DISP1: variants seen among roughly 807,000 people sequenced by gnomAD.
The protein encoded by DISP1 is dispatched RND transporter family member 1, also known as protein dispatched homolog 1.
In DISP1, 30 loss-of-function variants were observed where a neutral mutation model predicts 37.3. The observed-to-expected ratio is 0.80, with a 90% CI of 0.60 to 1.09. The LOEUF is 1.09. DISP1 is among the 50% of genes least tolerant of loss of function. The probability of loss-of-function intolerance (pLI) is 0.00; values close to 1 mark genes in which losing one functional copy is unlikely to be tolerated. For missense variants in DISP1, 1,598 were observed against 1,879.5 expected, an observed-to-expected ratio of 0.85 and a Z score of 2.77; for synonymous variants, 634 against 690.2, an observed-to-expected ratio of 0.92 and a Z score of 1.28.
At chr1:222,832,423 T>A (rs1254759482) in intron 1 of DISP1, among the ~76,000 whole-genome samples, 2 of 152,230 alleles carry the variant, frequency 1.3e-5, no homozygotes, top group Non-Finnish European at 2.9e-5. Context: ...AAGAAATTTT[T>A]ATAAGAACTT....
intron 3 of DISP1, among the ~76,000 whole-genome samples, chr1:222,967,729 G>A (rs1441750190): frequency 6.6e-6 from 1 of 152,178 alleles, no homozygotes; most frequent in Non-Finnish European, 1.5e-5. Context: ...TTGAATGTGA[G>A]TTTGCTTTGT....
At chr1:222,980,982 G>A (rs140314832) in intron 3 of DISP1, among the ~76,000 whole-genome samples, 1,691 of 152,328 alleles carry the variant, frequency 0.011, 35 homozygotes, top group African/African-American at 0.039. Flanking sequence ...GGTGGCTGAG[G>A]CAGGAGGATC....
At chr1:222,986,348 G>A (rs192031501) in intron 4 of DISP1, among the ~76,000 whole-genome samples, 119 of 152,224 alleles carry the variant, frequency 7.8e-4, no homozygotes, top group African/African-American at 2.8e-3. Context: ...TTATTATGGG[G>A]GAATGTTATT....
chr1:222,948,719 T>G (rs2125508702), intron 3 of DISP1, among the ~76,000 whole-genome samples: 1 of 152,356 alleles, frequency 6.6e-6, no homozygotes, highest in South Asian at 2.1e-4. Context: ...ATTTATGACT[T>G]CACATTACTT....
At chr1:222,917,035 G>A (rs1672531626) in intron 1 of DISP1, among the ~76,000 whole-genome samples, 1 of 152,158 alleles carries the variant, frequency 6.6e-6, no homozygotes, top group Non-Finnish European at 1.5e-5. Context: ...TTTGAAGCCT[G>A]TTAGCAATAA....
intron 1 of DISP1, among the ~76,000 whole-genome samples, chr1:222,898,116 A>G (rs923634023): frequency 6.6e-6 from 1 of 152,126 alleles, no homozygotes; most frequent in Non-Finnish European, 1.5e-5. Context: ...AGTTTTGGTC[A>G]GGGATTTTAG....
chr1:222,942,689 C>G, intron 2 of DISP1, 118 bp from the exon 3 acceptor site: 2 of 1,181,872 alleles, frequency 1.7e-6, no homozygotes, highest in East Asian at 2.5e-5. Flanking sequence ...CTACCACTGT[C>G]TCACAACTCT....
chr1:222,935,088 T>A (rs901589254), intron 2 of DISP1, among the ~76,000 whole-genome samples: 6 of 152,308 alleles, frequency 3.9e-5, no homozygotes, highest in South Asian at 4.1e-4. Context: ...ACGCAAAATG[T>A]GTTCTAGGTA....
chr1:222,883,658 A>G (rs1670407193), intron 1 of DISP1, among the ~76,000 whole-genome samples: 1 of 152,210 alleles, frequency 6.6e-6, no homozygotes, highest in South Asian at 2.1e-4. Flanking sequence ...TTTAGAGACA[A>G]GCTGTTCAAG....
chr1:222,979,045 C>G (rs1320541951), intron 3 of DISP1, among the ~76,000 whole-genome samples: 6 of 151,922 alleles, frequency 3.9e-5, no homozygotes, highest in Non-Finnish European at 8.8e-5. Flanking sequence ...TAGTTTTTTC[C>G]AATTCTGTGA....
At chr1:222,915,088 A>C (rs1572499488) in intron 1 of DISP1, among the ~76,000 whole-genome samples, 1 of 152,224 alleles carries the variant, frequency 6.6e-6, no homozygotes, top group Non-Finnish European at 1.5e-5. Flanking sequence ...TGTCCTGGAC[A>C]CTGTCTGAGT....
At chr1:222,833,138 T>C (rs1394496697) in intron 1 of DISP1, among the ~76,000 whole-genome samples, 4 of 152,056 alleles carry the variant, frequency 2.6e-5, no homozygotes, top group African/African-American at 9.7e-5. Context: ...CAGAAAAGGT[T>C]AGAAACGCAT....
intron 1 of DISP1, among the ~76,000 whole-genome samples, chr1:222,923,160 A>G (rs1672900262): frequency 2.0e-5 from 3 of 152,188 alleles, no homozygotes; most frequent in Non-Finnish European, 2.9e-5. Flanking sequence ...TTTGTAAGTA[A>G]TAATTTGACA....
chr1:222,951,857 A>G (rs989791892), intron 3 of DISP1, among the ~76,000 whole-genome samples: 6 of 152,228 alleles, frequency 3.9e-5, no homozygotes, highest in Non-Finnish European at 8.8e-5. Context: ...TTGATCGGTA[A>G]GTATTTACAG....
chr1:223,000,448 T>C (rs1172870574), intron 8 of DISP1, among the ~76,000 whole-genome samples: 1 of 152,240 alleles, frequency 6.6e-6, no homozygotes, highest in East Asian at 1.9e-4. Flanking sequence ...ATGTTTACGA[T>C]TGCTCCTCAA....
At chr1:222,834,855 A>T (rs1666648656) in intron 1 of DISP1, among the ~76,000 whole-genome samples, 1 of 152,210 alleles carries the variant, frequency 6.6e-6, no homozygotes, top group Non-Finnish European at 1.5e-5. Context: ...CCATGCTTAA[A>T]GTAGAATAAT....
intron 1 of DISP1, among the ~76,000 whole-genome samples, chr1:222,913,973 C>T (rs755042054): frequency 2.4e-4 from 36 of 148,448 alleles, no homozygotes; most frequent in Non-Finnish European, 3.7e-4. Context: ...GCTTATATAA[C>T]TCATACTGTT....
intron 1 of DISP1, among the ~76,000 whole-genome samples, chr1:222,872,663 CTT>C (rs1414163046): frequency 6.6e-6 from 1 of 152,114 alleles, no homozygotes; most frequent in Non-Finnish European, 1.5e-5. Flanking sequence ...ATTCTTCTCT[CTT>C]TTCTTCTTTA....
intron 1 of DISP1, among the ~76,000 whole-genome samples, chr1:222,819,040 G>A (rs1469619046): frequency 6.6e-6 from 1 of 152,206 alleles, no homozygotes; most frequent in African/African-American, 2.4e-5. Context: ...GGTGGTAGGT[G>A]ATTGGATCAT....
Sources: gnomAD v4.1 joint callset for allele counts (sites outside exome capture counted in the v4.1 genomes callset) on GRCh38, gnomAD v4.1.1 for gene constraint, MANE v1.5 for transcripts, NCBI Gene and HGNC (gene_info 2026-07-23, HGNC 2026-07-21) for gene names.